Variants in CNTN4 observed in about 807,000 individuals in gnomAD.
CNTN4 encodes contactin 4, also known as contactin-4.
Under a neutral mutation model 122.5 loss-of-function variants are expected in CNTN4, and 77 were observed. The ratio of observed to expected loss-of-function variants is 0.63; its 90% CI spans 0.52 to 0.76. The LOEUF (loss-of-function observed/expected upper bound fraction) is 0.76. Ranked by LOEUF, CNTN4 falls within the 30% of genes least tolerant of loss-of-function variation. The pLI is 0.00. For synonymous variants in CNTN4, 512 were observed against 447.0 expected, an observed-to-expected ratio of 1.15 and a Z score of -1.83; for missense variants, 1,256 against 1,259.1, an observed-to-expected ratio of 1.00 and a Z score of 0.04.
intron 2 of CNTN4, among the ~76,000 whole-genome samples, chr3:2,246,068 C>T (rs558765816): frequency 1.3e-5 from 2 of 152,080 alleles, no homozygotes; most frequent in Non-Finnish European, 2.9e-5. Flanking sequence ...TTCAGAATGT[C>T]AGTGGTCCCA....
intron 6 of CNTN4, among the ~76,000 whole-genome samples, chr3:2,797,920 AT>A (rs10684232): frequency 0.046 from 6,277 of 137,794 alleles, 376 homozygotes; most frequent in African/African-American, 0.14. Flanking sequence ...CACACTGAGT[AT>A]TTTTTTTTTT....
chr3:2,998,444 A>C (rs1695735228), intron 14 of CNTN4, among the ~76,000 whole-genome samples: 1 of 152,128 alleles, frequency 6.6e-6, no homozygotes, highest in Non-Finnish European at 1.5e-5. Context: ...AGGAATTTTC[A>C]TTTTCAACAA....
At chr3:2,657,861 C>A (rs2083667716) in intron 4 of CNTN4, among the ~76,000 whole-genome samples, 1 of 151,368 alleles carries the variant, frequency 6.6e-6, no homozygotes, top group South Asian at 2.1e-4. Context: ...AAATAAAACC[C>A]TCAAAATCAT....
At position 2,556,099 on chromosome 3, in the gene CNTN4, TATC is replaced by T. The variant is rs2078710117; in HGVS notation, c.-88-15314_-88-15312del. 2.6e-5 allele frequency among the ~76,000 whole-genome samples: 4 copies of T among 152,258 alleles called. No homozygotes were observed. The South Asian group carries it at 8.3e-4, about 32-fold the overall frequency. Reference sequence around the variant, plus strand: ...CTTTCCATTTGGGGGTTACTGGAAATATCATAAAAAGGGAATAATTTTAGACTT... The same window carrying T: ...CTTTCCATTTGGGGGTTACTGGAAATATAAAAAGGGAATAATTTTAGACTT... On this transcript the variant is annotated intron_variant, in intron 3 of 24. Coordinates refer to ENST00000418658, the MANE Select transcript of CNTN4 (RefSeq NM_175607.3).
At chr3:2,394,696 A>G (rs952924020) in intron 3 of CNTN4, among the ~76,000 whole-genome samples, 6 of 152,026 alleles carry the variant, frequency 3.9e-5, no homozygotes, top group South Asian at 2.1e-4. Context: ...CATCTATGCT[A>G]TGACTCAGCC....
At chr3:2,656,424 G>C (rs531933186) in intron 4 of CNTN4, among the ~76,000 whole-genome samples, 1 of 152,332 alleles carries the variant, frequency 6.6e-6, no homozygotes, top group East Asian at 1.9e-4. Flanking sequence ...TTTAGAGCAT[G>C]TTTCACCAAC....
At chr3:2,880,447 A>G (rs1315767033) in intron 8 of CNTN4, among the ~76,000 whole-genome samples, 6 of 152,168 alleles carry the variant, frequency 3.9e-5, no homozygotes, top group African/African-American at 1.4e-4. Flanking sequence ...ACTGCGCTCA[A>G]AGTCATACTA....
chr3:2,758,903 T>C (rs2090461131), intron 6 of CNTN4, among the ~76,000 whole-genome samples: 1 of 152,162 alleles, frequency 6.6e-6, no homozygotes, highest in African/African-American at 2.4e-5. Context: ...TTTAGTTTAT[T>C]CACGAAGTTG....
chr3:2,122,612 A>G (rs1460552945), intron 2 of CNTN4, among the ~76,000 whole-genome samples: 3 of 152,212 alleles, frequency 2.0e-5, no homozygotes, highest in African/African-American at 7.2e-5. Context: ...TAAATTCCTG[A>G]AAGAAGAATT....
chr3:2,349,060 C>T (rs2044509782), intron 3 of CNTN4, among the ~76,000 whole-genome samples: 1 of 152,158 alleles, frequency 6.6e-6, no homozygotes, highest in Non-Finnish European at 1.5e-5. Flanking sequence ...TTATTTCCAG[C>T]TGAAGTCTTT....
chr3:2,592,595 CT>C (rs1265755709), intron 4 of CNTN4, among the ~76,000 whole-genome samples: 1 of 152,162 alleles, frequency 6.6e-6, no homozygotes, highest in Non-Finnish European at 1.5e-5. Context: ...CAAACTCTCT[CT>C]TTTTGCCTGC....
chr3:2,866,689 A>T, intron 7 of CNTN4, 63 bp from the exon 8 acceptor site: 1 of 1,465,004 alleles, frequency 6.8e-7, no homozygotes, highest in Non-Finnish European at 9.6e-7. Flanking sequence ...CATTTCTTTC[A>T]TGAAAACAGT....
chr3:2,713,743 A>T (rs2728043), intron 4 of CNTN4, among the ~76,000 whole-genome samples: 9,444 of 152,220 alleles, frequency 0.062, 741 homozygotes, highest in African/African-American at 0.18. Context: ...TAAAATGAGA[A>T]TGTTGAGAGA....
intron 13 of CNTN4, 47 bp from the exon 14 acceptor site, chr3:2,988,298 A>T (rs778709019): frequency 1.9e-6 from 3 of 1,583,132 alleles, no homozygotes; most frequent in East Asian, 2.2e-5. Flanking sequence ...GCAATAGGTC[A>T]TATGAGATAA....
intron 2 of CNTN4, among the ~76,000 whole-genome samples, chr3:2,315,990 C>T (rs974619120): frequency 6.6e-6 from 1 of 151,970 alleles, no homozygotes; most frequent in Non-Finnish European, 1.5e-5. Context: ...TATCTTGAGA[C>T]TTCTAACTTC....
chr3:3,009,588 C>A (rs56662610), intron 14 of CNTN4, among the ~76,000 whole-genome samples: 30 of 150,884 alleles, frequency 2.0e-4, no homozygotes, highest in African/African-American at 7.3e-4. Flanking sequence ...CGCCCGCCAC[C>A]ACGCCCGGCT....
intron 2 of CNTN4, among the ~76,000 whole-genome samples, chr3:2,160,985 T>G (rs1033049554): frequency 6.6e-6 from 1 of 152,128 alleles, no homozygotes; most frequent in African/African-American, 2.4e-5. Flanking sequence ...ATCATACTGT[T>G]GTTTACTTAT....
chr3:2,407,507 A>C (rs2151009932), intron 3 of CNTN4, among the ~76,000 whole-genome samples: 1 of 152,304 alleles, frequency 6.6e-6, no homozygotes. Context: ...GCCTCAAAAC[A>C]TATAAAAATC....
At chr3:2,505,583 A>G (rs1383018283) in intron 3 of CNTN4, among the ~76,000 whole-genome samples, 1 of 152,248 alleles carries the variant, frequency 6.6e-6, no homozygotes, top group Admixed American at 6.5e-5. Context: ...AAAGACCTAC[A>G]TAAATATATC....
Sources: gnomAD v4.1 joint callset for allele counts (sites outside exome capture counted in the v4.1 genomes callset) on GRCh38, gnomAD v4.1.1 for gene constraint, MANE v1.5 for transcripts, NCBI Gene and HGNC (gene_info 2026-07-23, HGNC 2026-07-21) for gene names.